SLC17A4: variants seen among roughly 807,000 people sequenced by gnomAD.
SLC17A4 encodes the protein solute carrier family 17 member 4, also known as probable small intestine urate exporter.
SLC17A4 carries 33 observed loss-of-function variants against 52.5 expected under a neutral mutation model. That is an observed-to-expected ratio of 0.63 (90% CI 0.48 to 0.84). SLC17A4 has a LOEUF of 0.84. Among genes scored for constraint, SLC17A4 ranks in the 40% least tolerant of loss-of-function variants. The pLI is 0.00. For missense variants in SLC17A4, 585 were observed against 597.1 expected, an observed-to-expected ratio of 0.98 and a Z score of 0.21; for synonymous variants, 225 against 216.2, an observed-to-expected ratio of 1.04 and a Z score of -0.36.
In SLC17A4 at chr6:25,773,256, C is replaced by A. The variant is rs757104412; in HGVS notation, c.707-19C>A. ...AGTACTTCAATCCATCCAGTGCTAA[C>A]TGGATCCCCTTTTCCTAGGAGGAAT... is the stretch of plus-strand genomic sequence containing the variant. On this transcript the variant is annotated intron_variant, in intron 6 of 11. Transcript: ENST00000377905. The A allele has an allele frequency of 6.3e-7, 1 of 1,591,288 alleles. No individual in the cohort carries two copies. Among genetic ancestry groups the A allele is most frequent in the Admixed American group, 1.7e-5 (1 of 59,980 alleles).
chr6:25,755,272 G>C (rs1244123408), intron 1 of SLC17A4, among the ~76,000 whole-genome samples: 1 of 152,140 alleles, frequency 6.6e-6, no homozygotes, highest in Non-Finnish European at 1.5e-5. Flanking sequence ...GTTCTGGTTT[G>C]GTTCCAGCGA....
chr6:25,779,493 T>C lies in SLC17A4; in HGVS notation c.*305T>C. 1 of 257,916 alleles carries C rather than the reference T, an allele frequency of 3.9e-6. No homozygotes were observed. The highest frequency in any genetic ancestry group is 7.3e-6 in the Non-Finnish European group (1 of 136,446). 16.0% of individuals were successfully genotyped at this position (257,916 alleles called of 1,614,324 possible). The stretch of plus-strand genomic sequence containing the variant: ...CAAAGCAAAAGAGGAAGCCAGACCT[T>C]GGGACCGAGAACTGAGAATCACAAG... On this transcript the variant is annotated 3_prime_UTR_variant, in exon 12 of 12. Transcript: ENST00000377905.
At chr6:25,774,023 G>T (rs983600715) in intron 8 of SLC17A4, among the ~76,000 whole-genome samples, 15 of 152,014 alleles carry the variant, frequency 9.9e-5, no homozygotes, top group Admixed American at 9.8e-4. Flanking sequence ...TGCTCTGCTG[G>T]CAGCATAAAT....
chr6:25,760,878 T>C (rs958543206), intron 1 of SLC17A4, among the ~76,000 whole-genome samples: 2 of 152,228 alleles, frequency 1.3e-5, no homozygotes. Flanking sequence ...ATTTAAAGCA[T>C]ACTTACATAA....
intron 1 of SLC17A4, among the ~76,000 whole-genome samples, chr6:25,760,681 A>G (rs937180929): frequency 2.6e-5 from 4 of 152,072 alleles, no homozygotes; most frequent in African/African-American, 4.8e-5. Flanking sequence ...ACTGAGCTTT[A>G]TTCTGTACAA....
Position 25,773,539 on chromosome 6 carries a change from C to T in SLC17A4, c.852C>T (p.Pro284=), listed in dbSNP as rs766250688. 1.4e-5 allele frequency: 23 copies of T among 1,613,804 alleles called. No homozygotes were observed. The South Asian group carries it at 1.8e-4, about 12-fold the overall frequency. Residue 284 remains proline (P), a synonymous_variant, in exon 8 of 12, where the codon CCC becomes CCT. Coordinates refer to ENST00000377905, the MANE Select transcript of SLC17A4 (RefSeq NM_005495.3). ...QQDCSPGWSL[P]IRAMIKSLPL... ...ACTGTTCACCAGGCTGGTCTCTTCCCATTAGGGCTATGATCAAATCCTTAC... is the reference window on the plus strand; with the variant it reads ...ACTGTTCACCAGGCTGGTCTCTTCCTATTAGGGCTATGATCAAATCCTTAC...
intron 6 of SLC17A4, among the ~76,000 whole-genome samples, chr6:25,771,600 T>C (rs1581402712): frequency 6.6e-6 from 1 of 152,050 alleles, no homozygotes; most frequent in Non-Finnish European, 1.5e-5. Context: ...GAAAATGTTA[T>C]TTTAGTCAGA....
intron 1 of SLC17A4, among the ~76,000 whole-genome samples, chr6:25,761,284 C>A (rs991288462): frequency 6.6e-6 from 1 of 152,200 alleles, no homozygotes. Flanking sequence ...AAGTTTTGAA[C>A]CCCTGTGAGG....
At chr6:25,757,616 T>A (rs960547324) in intron 1 of SLC17A4, among the ~76,000 whole-genome samples, 9 of 152,132 alleles carry the variant, frequency 5.9e-5, no homozygotes, top group African/African-American at 2.2e-4. Context: ...GGTTTCTTGA[T>A]CCCTTTCTCT....
At chr6:25,756,761 C>T (rs1253917122) in intron 1 of SLC17A4, among the ~76,000 whole-genome samples, 1 of 152,154 alleles carries the variant, frequency 6.6e-6, no homozygotes, top group Non-Finnish European at 1.5e-5. Flanking sequence ...TATGAAAGCA[C>T]AACATTGCAT....
Position 25,770,329 on chromosome 6 carries a change from GA to G in SLC17A4, c.531+31del, listed in dbSNP as rs772746932. On this transcript the variant is annotated intron_variant, in intron 4 of 11. Coordinates refer to ENST00000377905, the MANE Select transcript of SLC17A4 (RefSeq NM_005495.3). ...CCAAGATGTTTTCCAGGTATAAGTGGAATATAGGTTCCAGAATGACCTCAGA... is the reference window on the plus strand; with the variant it reads ...CCAAGATGTTTTCCAGGTATAAGTGGATATAGGTTCCAGAATGACCTCAGA... 7.4e-6 allele frequency: 12 copies of G among 1,613,646 alleles called. No individual in the cohort carries two copies. The Admixed American group carries it at 1.5e-4, about 20-fold the overall frequency.
chr6:25,767,405 G>C (rs971475051), intron 2 of SLC17A4, among the ~76,000 whole-genome samples: 1 of 152,074 alleles, frequency 6.6e-6, no homozygotes, highest in Non-Finnish European at 1.5e-5. Context: ...TTATTCAGTT[G>C]TTATCACAGT....
intron 6 of SLC17A4, 57 bp from the exon 7 acceptor site, chr6:25,773,218 T>G: frequency 7.4e-7 from 1 of 1,346,006 alleles, no homozygotes; most frequent in Non-Finnish European, 1.1e-6. Flanking sequence ...CATCTTAGAG[T>G]CAAACTGAAA....
In SLC17A4 at chr6:25,754,987, A is replaced by AATTAATTAATT. The variant is rs1181563794; in HGVS notation, c.-37+207_-37+208insTTAATTAATTA. On this transcript the variant is annotated intron_variant, in intron 1 of 11. Coordinates refer to ENST00000377905, the MANE Select transcript of SLC17A4 (RefSeq NM_005495.3). The stretch of plus-strand genomic sequence containing the variant: ...CCCTGGAACTACAGGGAATTAATTC[A>AATTAATTAATT]AGAGAATGAAATTTTCTAAAAGTAT... Among the ~76,000 whole-genome samples, 382 of 151,848 alleles carry AATTAATTAATT rather than the reference A, an allele frequency of 2.5e-3. 2 individuals carry two copies. Among genetic ancestry groups the AATTAATTAATT allele is most frequent in the African/African-American group, 8.5e-3 (353 of 41,388 alleles).
At chr6:25,757,848 G>A (rs1218444585) in intron 1 of SLC17A4, among the ~76,000 whole-genome samples, 3 of 152,188 alleles carry the variant, frequency 2.0e-5, no homozygotes, top group Non-Finnish European at 4.4e-5. Flanking sequence ...GGTGATATGT[G>A]TTCACTAACT....
chr6:25,761,814 C>G, intron 1 of SLC17A4, 113 bp from the exon 2 acceptor site: 1 of 615,416 alleles, frequency 1.6e-6, no homozygotes, highest in South Asian at 2.4e-5. Flanking sequence ...TTCATAAACC[C>G]TAATCTACCA....
chr6:25,769,886 C>A (rs759018909), intron 3 of SLC17A4, among the ~76,000 whole-genome samples, 181 bp from the exon 4 acceptor site: 11 of 151,702 alleles, frequency 7.3e-5, no homozygotes, highest in South Asian at 2.1e-4. Flanking sequence ...TCAGGGTGAG[C>A]GGAAAGAGTA....
At position 25,773,550 on chromosome 6, in the gene SLC17A4, T is replaced by C. The variant is rs1177734199; in HGVS notation, c.863T>C (p.Met288Thr). The change falls in exon 8 of 12, where the codon ATG becomes ACG. Residue 288 changes from methionine to threonine, a missense_variant. Physicochemically the swap from Met to Thr is moderately conservative, Grantham distance 81 (BLOSUM62 -1). Coordinates refer to ENST00000377905, the MANE Select transcript of SLC17A4 (RefSeq NM_005495.3). ...GGCTGGTCTCTTCCCATTAGGGCTATGATCAAATCCTTACCACTCTGGGCC... is the reference window on the plus strand; with the variant it reads ...GGCTGGTCTCTTCCCATTAGGGCTACGATCAAATCCTTACCACTCTGGGCC... ...SPGWSLPIRA[M>T]IKSLPLWAIL... 14 of 1,613,872 alleles carry C rather than the reference T, an allele frequency of 8.7e-6. No individual in the cohort carries two copies. Among genetic ancestry groups the C allele is most frequent in the Non-Finnish European group, 1.2e-5 (14 of 1,179,916 alleles).
intron 8 of SLC17A4, among the ~76,000 whole-genome samples, chr6:25,775,001 TAAC>T (rs1407830766): frequency 1.3e-5 from 2 of 152,320 alleles, no homozygotes; most frequent in East Asian, 3.9e-4. Context: ...GTTTAATTGA[TAAC>T]AACAAGGTTC....
Sources: gnomAD v4.1 joint callset for allele counts (sites outside exome capture counted in the v4.1 genomes callset) on GRCh38, gnomAD v4.1.1 for gene constraint, MANE v1.5 for transcripts, NCBI Gene and HGNC (gene_info 2026-07-23, HGNC 2026-07-21) for gene names.